TMED8: variants seen among roughly 807,000 people sequenced by gnomAD.
The protein encoded by TMED8 is protein TMED8.
TMED8 carries 15 observed loss-of-function variants against 32.7 expected under a neutral mutation model. That is an observed-to-expected ratio of 0.46 (90% confidence interval 0.31 to 0.71). The LOEUF (loss-of-function observed/expected upper bound fraction) is 0.71, where lower values mean the gene tolerates loss of function less well. TMED8 is among the 30% of genes least tolerant of loss of function. The probability of loss-of-function intolerance (pLI) is 0.06; values close to 1 mark genes in which losing one functional copy is unlikely to be tolerated. For synonymous variants in TMED8, 147 were observed against 161.4 expected (o/e 0.91, Z 0.68); for missense variants, 390 against 423.9 (o/e 0.92, Z 0.70).
chr14:77,346,229 G>T, intron 3 of TMED8, 120 bp downstream of exon 3: 1 of 1,007,512 alleles, frequency 9.9e-7, no homozygotes, highest in Non-Finnish European at 1.4e-6. Flanking sequence ...CCCTAAATTA[G>T]AGGGCAAAGA....
At chr14:77,342,640 G>A (rs1483932308) in intron 5 of TMED8, among the ~76,000 whole-genome samples, 5 of 152,212 alleles carry the variant, frequency 3.3e-5, no homozygotes, top group African/African-American at 9.6e-5. Flanking sequence ...GCCATCCTTT[G>A]TGTAGTGTGT....
chr14:77,370,742 A>AGTGTGT (rs33940271), intron 1 of TMED8, among the ~76,000 whole-genome samples: 36,216 of 149,994 alleles, frequency 0.24, 5,017 homozygotes, highest in Admixed American at 0.34. Context: ...TATAAAAAAA[A>AGTGTGT]GTGTGTGTGT....
intron 1 of TMED8, 126 bp from the exon 2 acceptor site, chr14:77,351,877 T>C (rs1228641066): frequency 2.8e-5 from 18 of 650,796 alleles, no homozygotes; most frequent in Non-Finnish European, 3.0e-5. Flanking sequence ...GTATGAACTT[T>C]ATACTCTCAG....
chr14:77,339,458 G>A lies in TMED8; in HGVS notation c.*2313C>T, dbSNP rs1566681428. 6.6e-6 allele frequency: 1 copy of A among 152,178 alleles called. No individual in the cohort carries two copies. Among genetic ancestry groups the A allele is most frequent in the Non-Finnish European group, 1.5e-5 (1 of 68,034 alleles). 9.4% of individuals were successfully genotyped at this position (152,178 alleles called of 1,614,324 possible). A position where few individuals can be genotyped will look rare whatever the true frequency, so the allele number is the denominator to read the frequency against. On this transcript the variant is annotated 3_prime_UTR_variant, in exon 6 of 6. Coordinates refer to ENST00000216468, the MANE Select transcript of TMED8 (RefSeq NM_213601.3). Reference sequence around the variant, plus strand: ...AAATAATAACAAGTGTTATCCTTGGGAGCTTGCTGTGTATGGCCTGACTGT... The same window carrying A: ...AAATAATAACAAGTGTTATCCTTGGAAGCTTGCTGTGTATGGCCTGACTGT...
At chr14:77,371,359 A>G (rs1893675501) in intron 1 of TMED8, among the ~76,000 whole-genome samples, 2 of 152,204 alleles carry the variant, frequency 1.3e-5, no homozygotes, top group South Asian at 2.1e-4. Context: ...AGGATTTCCA[A>G]TTCCCTTATT....
chr14:77,356,778 A>T (rs1893298894), intron 1 of TMED8, among the ~76,000 whole-genome samples: 1 of 152,208 alleles, frequency 6.6e-6, no homozygotes, highest in African/African-American at 2.4e-5. Flanking sequence ...TCACACACTA[A>T]ATTTACCTTA....
Position 77,343,240 on chromosome 14 carries a change from A to G in TMED8, c.698T>C (p.Val233Ala), listed in dbSNP as rs1892946445. 1 of 1,614,054 alleles carries G rather than the reference A, an allele frequency of 6.2e-7. No individual in the cohort carries two copies. Among genetic ancestry groups the G allele is most frequent in the Non-Finnish European group, 8.5e-7 (1 of 1,180,034 alleles). ...ATCGTCACTGGAATCACTGACCTGCACAGTTATGTCAGTGCTAGTTACAGG... is the reference window on the plus strand; with the variant it reads ...ATCGTCACTGGAATCACTGACCTGCGCAGTTATGTCAGTGCTAGTTACAGG... Reference protein sequence around the residue: ...WTPVTSTDITVQVSDSSDDED... With the variant: ...WTPVTSTDITAQVSDSSDDED... The change falls in exon 5 of 6, where the codon GTG (valine) becomes GCG (alanine). Residue 233 changes from valine to alanine, a missense_variant. Coordinates refer to ENST00000216468, the MANE Select transcript of TMED8 (RefSeq NM_213601.3).
intron 1 of TMED8, among the ~76,000 whole-genome samples, chr14:77,356,346 T>C (rs2111700): frequency 0.22 from 33,988 of 152,196 alleles, 3,998 homozygotes; most frequent in Admixed American, 0.29. Context: ...AAATTATTCC[T>C]TGCTATTCTT....
chr14:77,351,411 A>ATTTTTTTT (rs1181134385), intron 2 of TMED8, among the ~76,000 whole-genome samples: 385 of 102,100 alleles, frequency 3.8e-3, no homozygotes, highest in Middle Eastern at 0.011. Flanking sequence ...CGCCCCGCTA[A>ATTTTTTTT]TTTTTTTTTT....
intron 1 of TMED8, among the ~76,000 whole-genome samples, chr14:77,355,905 T>C (rs1306743860): frequency 6.6e-6 from 1 of 152,302 alleles, no homozygotes; most frequent in Non-Finnish European, 1.5e-5. Context: ...GAGAACTTTG[T>C]CAGTTTAGGA....
chr14:77,343,684 C>G lies in TMED8; in HGVS notation c.454+13G>C, dbSNP rs377151249. The G allele has an allele frequency of 1.2e-6, 2 of 1,614,066 alleles. No individual in the cohort carries two copies. Among genetic ancestry groups the G allele is most frequent in the Non-Finnish European group, 1.7e-6 (2 of 1,179,980 alleles). ...TGGAAACAAACCACCTCCTTTACTC[C>G]CAAAGGTCTCACCTTTCCTGTGGTC... On this transcript the variant is annotated intron_variant, in intron 4 of 5. Coordinates refer to ENST00000216468, the MANE Select transcript of TMED8 (RefSeq NM_213601.3).
In TMED8 at chr14:77,341,652, G is replaced by C; in HGVS notation, c.*119C>G. ...GGCCAACAGTCAGGCATGCCAGACA[G>C]GGTGTGAGGCTCAGCAGCCCCCCAT... On this transcript the variant is annotated 3_prime_UTR_variant, in exon 6 of 6. Coordinates refer to ENST00000216468, the MANE Select transcript of TMED8 (RefSeq NM_213601.3). 1.0e-6 allele frequency: 1 copy of C among 960,904 alleles called. No individual in the cohort carries two copies. Among genetic ancestry groups the C allele is most frequent in the Non-Finnish European group, 1.6e-6 (1 of 625,000 alleles). The allele number at this position is 960,904 out of a possible 1,614,324, so 59.5% of individuals were successfully genotyped here. A position where few individuals can be genotyped will look rare whatever the true frequency, so the allele number is the denominator to read the frequency against.
chr14:77,374,433 G>C (rs763187822), intron 1 of TMED8, among the ~76,000 whole-genome samples: 42 of 152,334 alleles, frequency 2.8e-4, no homozygotes, highest in Non-Finnish European at 2.6e-4. Context: ...CTTGCAGGAT[G>C]TTTAGCAAAC....
rs1412128496 is a variant in TMED8 at position 77,377,040 on chromosome 14, T to C, written c.14A>G (p.Gln5Arg). 1.4e-6 allele frequency: 2 copies of C among 1,380,524 alleles called. No homozygotes were observed. Among genetic ancestry groups the C allele is most frequent in the Non-Finnish European group, 9.3e-7 (1 of 1,077,232 alleles). The allele number at this position is 1,380,524 out of a possible 1,614,324, so 85.5% of individuals were successfully genotyped here. Residue 5 changes from glutamine to arginine, a missense_variant, in exon 1 of 6, where the codon CAG becomes CGG. Physicochemically the swap from Gln to Arg is conservative, Grantham distance 43 (BLOSUM62 1). Transcript: ENST00000216468. MSDL[Q>R]AAEGPGSWSP... ...CCAGGAGCCCGGCCCCTCAGCCGCC[T>C]GCAGGTCAGACATCTGCAGCCCGCG...
At position 77,337,723 on chromosome 14, in the gene TMED8, G is replaced by A. The variant is rs990504835; in HGVS notation, c.*4048C>T. The A allele has an allele frequency of 6.6e-6, 1 of 152,146 alleles. No individual in the cohort carries two copies. The highest frequency in any genetic ancestry group is 1.5e-5 in the Non-Finnish European group (1 of 68,038). 9.4% of individuals were successfully genotyped at this position (152,146 alleles called of 1,614,324 possible). On this transcript the variant is annotated 3_prime_UTR_variant, in exon 6 of 6. Transcript: ENST00000216468. ...AACATTTTTATGAAGACCACCTCCTGGGTAACCCATGTTGAATGAAACAGG... is the reference window on the plus strand; with the variant it reads ...AACATTTTTATGAAGACCACCTCCTAGGTAACCCATGTTGAATGAAACAGG...
At chr14:77,372,906 T>TTTTATATATA (rs1227686477) in intron 1 of TMED8, among the ~76,000 whole-genome samples, 1 of 35,342 alleles carries the variant, frequency 2.8e-5, no homozygotes, top group African/African-American at 9.7e-5. Context: ...GCCACAGATA[T>TTTTATATATA]TATATATATA....
chr14:77,353,699 G>C (rs149581158), intron 1 of TMED8, among the ~76,000 whole-genome samples: 10 of 151,374 alleles, frequency 6.6e-5, no homozygotes, highest in African/African-American at 2.4e-4. Flanking sequence ...GGGCTCAAGT[G>C]ATCCTCCCAC....
chr14:77,359,637 G>T, intron 1 of TMED8: 1 of 357,640 alleles, frequency 2.8e-6, no homozygotes, highest in Non-Finnish European at 5.4e-6. Context: ...GAATATCAAA[G>T]GAGTAATGAA....
chr14:77,367,240 TAAAAA>T (rs56707120), intron 1 of TMED8, among the ~76,000 whole-genome samples: 6 of 25,072 alleles, frequency 2.4e-4, no homozygotes, highest in South Asian at 3.6e-3. Flanking sequence ...AGACTCTGTC[TAAAAA>T]AAAAAAAAAA....
Sources: gnomAD v4.1 joint callset for allele counts (sites outside exome capture counted in the v4.1 genomes callset) on GRCh38, gnomAD v4.1.1 for gene constraint, MANE v1.5 for transcripts, NCBI Gene and HGNC (gene_info 2026-07-23, HGNC 2026-07-21) for gene names.